Variants in BANK1 observed in about 807,000 individuals in gnomAD.
The protein encoded by BANK1 is B cell scaffold protein with ankyrin repeats 1.
Under a neutral mutation model 94.5 loss-of-function variants are expected in BANK1, and 95 were observed. The observed-to-expected ratio is 1.00, with a 90% CI of 0.85 to 1.19. The LOEUF is 1.19. BANK1 is among the 50% of genes most tolerant of loss of function. The pLI, the probability that BANK1 is intolerant of heterozygous loss-of-function variation, is 0.00. For synonymous variants in BANK1, 334 were observed against 308.4 expected (o/e 1.08, Z -0.87); for missense variants, 987 against 932.2 (o/e 1.06, Z -0.77).
In BANK1 at chr4:101,927,974, C is replaced by T. The variant is rs1426759965; in HGVS notation, c.1206+9785C>T. 4.0e-5 allele frequency among the ~76,000 whole-genome samples: 6 copies of T among 151,630 alleles called. No homozygotes were observed. The East Asian group carries it at 1.2e-3, about 30-fold the overall frequency. ...AGATTTTCACAGATGAGGTAGTGGA[C>T]AGCCACATTAAATGCTACTGACAGG... On this transcript the variant is annotated intron_variant, in intron 7 of 16. Coordinates refer to ENST00000322953, the MANE Select transcript of BANK1 (RefSeq NM_017935.5).
intron 3 of BANK1, among the ~76,000 whole-genome samples, chr4:101,859,046 C>T (rs1423365531): frequency 2.0e-5 from 3 of 152,168 alleles, no homozygotes; most frequent in Non-Finnish European, 2.9e-5. Context: ...ACTCTGAATA[C>T]AATTTAAAAC....
At chr4:101,850,435 C>A (rs2148872184) in intron 2 of BANK1, among the ~76,000 whole-genome samples, 1 of 143,520 alleles carries the variant, frequency 7.0e-6, no homozygotes, top group South Asian at 2.3e-4. Context: ...TGACACCCAA[C>A]TAATTTTTTT....
chr4:101,836,498 C>G (rs1420166190), intron 2 of BANK1, among the ~76,000 whole-genome samples: 1 of 151,956 alleles, frequency 6.6e-6, no homozygotes, highest in Non-Finnish European at 1.5e-5. Context: ...CAAACAGAAA[C>G]AAAAACAAAA....
intron 7 of BANK1, among the ~76,000 whole-genome samples, chr4:102,007,138 A>AT (rs1560682246): frequency 3.2e-5 from 1 of 31,282 alleles, no homozygotes; most frequent in Non-Finnish European, 6.8e-5. Context: ...ATATATAAAA[A>AT]ATATATTTTA....
intron 7 of BANK1, among the ~76,000 whole-genome samples, chr4:102,012,389 G>T (rs1034522382): frequency 2.6e-4 from 8 of 30,322 alleles, no homozygotes; most frequent in African/African-American, 8.2e-4. Context: ...TAAACACTTT[G>T]GTCAATAAAA....
At chr4:102,026,749 G>A (rs976988101) in intron 9 of BANK1, among the ~76,000 whole-genome samples, 14 of 151,114 alleles carry the variant, frequency 9.3e-5, no homozygotes, top group Non-Finnish European at 1.5e-5. Flanking sequence ...TTGAGCCCGG[G>A]AGGCGGAGGT....
At chr4:101,865,214 C>T (rs894684449) in intron 4 of BANK1, among the ~76,000 whole-genome samples, 59 of 152,224 alleles carry the variant, frequency 3.9e-4, no homozygotes, top group African/African-American at 1.3e-3. Context: ...CTGGAGAAAA[C>T]GATGAACTAA....
chr4:101,903,411 T>C (rs1722345581), intron 6 of BANK1, among the ~76,000 whole-genome samples: 2 of 152,192 alleles, frequency 1.3e-5, no homozygotes, highest in Non-Finnish European at 2.9e-5. Context: ...CCAATTCTTA[T>C]CATAGTAGCA....
chr4:101,924,609 G>A (rs1170744715), intron 7 of BANK1, among the ~76,000 whole-genome samples: 1 of 151,748 alleles, frequency 6.6e-6, no homozygotes, highest in Non-Finnish European at 1.5e-5. Context: ...AGGGGAGCAG[G>A]CATCACTGGG....
chr4:102,037,986 A>T (rs1452868870), intron 10 of BANK1, among the ~76,000 whole-genome samples: 1 of 152,162 alleles, frequency 6.6e-6, no homozygotes, highest in African/African-American at 2.4e-5. Context: ...AACTTCCACT[A>T]TTGAATACTA....
intron 11 of BANK1, among the ~76,000 whole-genome samples, chr4:102,047,380 A>G (rs563076133): frequency 6.6e-6 from 1 of 152,060 alleles, no homozygotes; most frequent in Non-Finnish European, 1.5e-5. Context: ...AAAACTCTTT[A>G]TTTGACAGTT....
chr4:101,919,673 A>G (rs1377692804), intron 7 of BANK1, among the ~76,000 whole-genome samples: 1 of 152,032 alleles, frequency 6.6e-6, no homozygotes, highest in Non-Finnish European at 1.5e-5. Flanking sequence ...GAAATATGTT[A>G]CATAATTTTC....
intron 7 of BANK1, among the ~76,000 whole-genome samples, chr4:101,929,108 C>G (rs1723258723): frequency 6.6e-6 from 1 of 151,608 alleles, no homozygotes; most frequent in Non-Finnish European, 1.5e-5. Flanking sequence ...TTGTTCTTTT[C>G]TTGACATTTC....
At chr4:101,902,358 T>C (rs1722315718) in intron 6 of BANK1, among the ~76,000 whole-genome samples, 1 of 152,234 alleles carries the variant, frequency 6.6e-6, no homozygotes. Context: ...CTAACAATAC[T>C]GTTTTTCTAA....
chr4:101,816,371 T>C (rs1560585421), intron 1 of BANK1, among the ~76,000 whole-genome samples: 1 of 152,198 alleles, frequency 6.6e-6, no homozygotes, highest in African/African-American at 2.4e-5. Flanking sequence ...TTGTTCAATG[T>C]AGTTCCATCC....
rs76863995 is a variant in BANK1, at chr4:102,037,681, T to G, written c.1901-6158T>G. On this transcript the variant is annotated intron_variant, in intron 10 of 16. Transcript: ENST00000322953. ...GACTGACACTTACAGTTGTGTAACTTTGTGAAAATTACATAACCTTGCTTC... is the reference window on the plus strand; with the variant it reads ...GACTGACACTTACAGTTGTGTAACTGTGTGAAAATTACATAACCTTGCTTC... Among the ~76,000 whole-genome samples, 601 of 152,274 alleles carry G rather than the reference T, an allele frequency of 3.9e-3. 4 individuals are homozygous for G. Among genetic ancestry groups the G allele is most frequent in the African/African-American group, 0.014 (561 of 41,550 alleles).
intron 7 of BANK1, among the ~76,000 whole-genome samples, chr4:101,922,779 A>G (rs1723038626): frequency 6.6e-6 from 1 of 151,880 alleles, no homozygotes. Context: ...AGAAACTAGA[A>G]TAAGTCACAT....
At chr4:102,024,207 C>T (rs1406553055) in intron 8 of BANK1, among the ~76,000 whole-genome samples, 1 of 152,100 alleles carries the variant, frequency 6.6e-6, no homozygotes, top group South Asian at 2.1e-4. Flanking sequence ...CTACATTGTG[C>T]TGTTTGGGAT....
At chr4:101,978,545 A>G (rs1725215256) in intron 7 of BANK1, among the ~76,000 whole-genome samples, 1 of 152,120 alleles carries the variant, frequency 6.6e-6, no homozygotes, top group African/African-American at 2.4e-5. Context: ...CATTCTTAAT[A>G]CGTACATTTA....
Sources: gnomAD v4.1 joint callset for allele counts (sites outside exome capture counted in the v4.1 genomes callset) on GRCh38, gnomAD v4.1.1 for gene constraint, MANE v1.5 for transcripts, NCBI Gene and HGNC (gene_info 2026-07-23, HGNC 2026-07-21) for gene names.